The following DOCK1 variants were observed in gnomAD, a reference collection of about 807,000 sequenced individuals.
DOCK1 encodes the protein dedicator of cytokinesis protein 1.
DOCK1 carries 138 observed loss-of-function variants against 262.7 expected under a neutral mutation model. The ratio of observed to expected loss-of-function variants is 0.53; its 90% CI spans 0.46 to 0.61. The LOEUF (loss-of-function observed/expected upper bound fraction) is 0.61, where lower values mean the gene tolerates loss of function less well. Ranked by LOEUF, DOCK1 falls within the 20% of genes least tolerant of loss-of-function variation. The pLI is 0.00. For synonymous variants in DOCK1, 866 were observed against 867.4 expected, an observed-to-expected ratio of 1.00 and a Z score of 0.03; for missense variants, 1,908 against 2,370.7, an observed-to-expected ratio of 0.80 and a Z score of 4.05.
chr10:127,141,413 CA>C (rs1374752752), intron 27 of DOCK1, among the ~76,000 whole-genome samples: 2 of 152,228 alleles, frequency 1.3e-5, no homozygotes, highest in South Asian at 2.1e-4. Context: ...TCTTAAAAGG[CA>C]AATTCTGGCC....
intron 40 of DOCK1, among the ~76,000 whole-genome samples, chr10:127,405,811 C>T (rs978363495): frequency 7.4e-6 from 1 of 135,878 alleles, no homozygotes; most frequent in East Asian, 2.3e-4. Context: ...CCTGGTCACT[C>T]CTGGTCACTG....
chr10:127,183,078 T>G (rs2055890066), intron 27 of DOCK1, among the ~76,000 whole-genome samples: 1 of 148,850 alleles, frequency 6.7e-6, no homozygotes, highest in Non-Finnish European at 1.5e-5. Context: ...AATCTTTTTT[T>G]TTTTTTTTTT....
chr10:127,419,832 A>T, intron 46 of DOCK1, 83 bp downstream of exon 46: 1 of 1,421,822 alleles, frequency 7.0e-7, no homozygotes, highest in Non-Finnish European at 9.6e-7. Context: ...ACCAGCCAGC[A>T]TGGAGGTCCC....
chr10:127,366,500 C>T (rs2064920594), intron 33 of DOCK1, among the ~76,000 whole-genome samples: 1 of 152,170 alleles, frequency 6.6e-6, no homozygotes. Context: ...GTCTCATCTG[C>T]AGCCTCCGTC....
chr10:127,017,324 T>C (rs2042053732), intron 12 of DOCK1, among the ~76,000 whole-genome samples: 1 of 125,530 alleles, frequency 8.0e-6, no homozygotes, highest in Non-Finnish European at 1.7e-5. Context: ...CACACAGACA[T>C]ATATATATAC....
chr10:127,285,346 A>G (rs1356257766), intron 29 of DOCK1, among the ~76,000 whole-genome samples: 2 of 152,246 alleles, frequency 1.3e-5, no homozygotes, highest in Non-Finnish European at 2.9e-5. Context: ...GCCAGATTTC[A>G]TACTCAACAT....
chr10:127,172,810 A>G (rs2054702357), intron 27 of DOCK1, among the ~76,000 whole-genome samples: 1 of 152,196 alleles, frequency 6.6e-6, no homozygotes, highest in Non-Finnish European at 1.5e-5. Context: ...CAGATGCTTA[A>G]GAACCAGGCA....
rs180957994 is a variant in DOCK1, at chr10:127,413,079, C to T, written c.4429-2073C>T. Among the ~76,000 whole-genome samples, 18 of 152,236 alleles carry T rather than the reference C, an allele frequency of 1.2e-4. No homozygotes were observed. The East Asian group carries it at 2.9e-3, about 25-fold the overall frequency. ...CTGTTACTGTCATCATAAGCACTAA[C>T]GCTAGTGTTTATATGGAGTCCCTCA... is the stretch of plus-strand genomic sequence containing the variant. On this transcript the variant is annotated intron_variant, in intron 43 of 51. Transcript: ENST00000623213.
At chr10:127,298,005 A>G (rs2061559523) in intron 29 of DOCK1, among the ~76,000 whole-genome samples, 1 of 152,158 alleles carries the variant, frequency 6.6e-6, no homozygotes, top group Non-Finnish European at 1.5e-5. Context: ...CCCACCAAAC[A>G]TAATATTGGA....
intron 29 of DOCK1, among the ~76,000 whole-genome samples, chr10:127,283,469 A>C (rs2061035972): frequency 1.3e-5 from 2 of 152,238 alleles, no homozygotes; most frequent in African/African-American, 4.8e-5. Context: ...CTTCCGATGC[A>C]TTACATTCAT....
intron 11 of DOCK1, among the ~76,000 whole-genome samples, chr10:127,011,696 T>C (rs2041460826): frequency 6.6e-6 from 1 of 150,954 alleles, no homozygotes; most frequent in Non-Finnish European, 1.5e-5. Context: ...GGTACCATTC[T>C]TCTCACATGT....
intron 23 of DOCK1, among the ~76,000 whole-genome samples, chr10:127,081,843 T>C (rs1164104185): frequency 6.6e-6 from 1 of 152,226 alleles, no homozygotes; most frequent in Non-Finnish European, 1.5e-5. Context: ...GTATCTGATT[T>C]TGGATCATTT....
Position 126,970,694 on chromosome 10 carries a change from C to T in DOCK1, c.47-8C>T. The T allele has an allele frequency of 6.2e-7, 1 of 1,604,072 alleles. No homozygotes were observed. Among genetic ancestry groups the T allele is most frequent in the Non-Finnish European group, 8.5e-7 (1 of 1,172,138 alleles). On this transcript the variant is annotated splice_polypyrimidine_tract_variant and splice_region_variant and intron_variant, in intron 1 of 51. Coordinates refer to ENST00000623213, the MANE Select transcript of DOCK1 (RefSeq NM_001290223.2). ...ATTACTAATATATTTCCCCTTTTTTCATCACAGCTTTTTATAACTATGATG... is the reference window on the plus strand; with the variant it reads ...ATTACTAATATATTTCCCCTTTTTTTATCACAGCTTTTTATAACTATGATG...
intron 50 of DOCK1, among the ~76,000 whole-genome samples, chr10:127,444,625 A>T (rs2070416415): frequency 6.6e-6 from 1 of 152,098 alleles, no homozygotes; most frequent in Admixed American, 6.5e-5. Flanking sequence ...TGTGTCTAGG[A>T]CTGTGCACTG....
intron 10 of DOCK1, among the ~76,000 whole-genome samples, chr10:127,002,995 C>T (rs892477721): frequency 5.3e-5 from 8 of 152,278 alleles, no homozygotes; most frequent in African/African-American, 1.9e-4. Flanking sequence ...GGTGTCCCCC[C>T]TCACTTAGGG....
intron 43 of DOCK1, among the ~76,000 whole-genome samples, chr10:127,411,314 A>G (rs2067832522): frequency 6.6e-6 from 1 of 152,112 alleles, no homozygotes; most frequent in African/African-American, 2.4e-5. Flanking sequence ...CACAGCAGTC[A>G]GCACATGAAC....
At chr10:127,121,562 CA>C (rs1360036656) in intron 25 of DOCK1, among the ~76,000 whole-genome samples, 2 of 151,604 alleles carry the variant, frequency 1.3e-5, no homozygotes, top group African/African-American at 2.4e-5. Flanking sequence ...AGACAAAATT[CA>C]AGAGTCTTAC....
At chr10:127,120,658 A>G (rs1288565664) in intron 25 of DOCK1, among the ~76,000 whole-genome samples, 1 of 152,232 alleles carries the variant, frequency 6.6e-6, no homozygotes, top group Non-Finnish European at 1.5e-5. Flanking sequence ...TGAGATTCAC[A>G]TACCCCAATT....
chr10:127,001,187 A>G (rs2135160345), intron 10 of DOCK1, among the ~76,000 whole-genome samples: 1 of 152,216 alleles, frequency 6.6e-6, no homozygotes, highest in East Asian at 1.9e-4. Flanking sequence ...TATGAGGGAA[A>G]AGTTCCTGAT....
Sources: gnomAD v4.1 joint callset for allele counts (sites outside exome capture counted in the v4.1 genomes callset) on GRCh38, gnomAD v4.1.1 for gene constraint, MANE v1.5 for transcripts, NCBI Gene and HGNC (gene_info 2026-07-23, HGNC 2026-07-21) for gene names.